The following FAM169A variants were observed in gnomAD, a reference collection of about 807,000 sequenced individuals.
FAM169A encodes family with sequence similarity 169 member A, also known as soluble lamin-associated protein of 75 kDa.
In FAM169A, 24 loss-of-function variants were observed where a neutral mutation model predicts 75.7. The ratio of observed to expected loss-of-function variants is 0.32; its 90% CI spans 0.23 to 0.45. The LOEUF (loss-of-function observed/expected upper bound fraction) is 0.45, where lower values mean the gene tolerates loss of function less well. Ranked by LOEUF, FAM169A falls within the 20% of genes least tolerant of loss-of-function variation. FAM169A has a pLI of 1.00. For missense variants in FAM169A, 673 were observed against 784.0 expected, an observed-to-expected ratio of 0.86 and a Z score of 1.69; for synonymous variants, 271 against 271.0, an observed-to-expected ratio of 1.00 and a Z score of 0.00.
intron 11 of FAM169A, among the ~76,000 whole-genome samples, chr5:74,784,096 C>G (rs1047555740): frequency 1.4e-4 from 21 of 151,866 alleles, no homozygotes; most frequent in Non-Finnish European, 2.6e-4. Context: ...TAAAAATGAC[C>G]AGAGTCGAGA....
intron 1 of FAM169A, among the ~76,000 whole-genome samples, chr5:74,843,482 G>A (rs1294343451): frequency 6.6e-6 from 1 of 152,142 alleles, no homozygotes; most frequent in Non-Finnish European, 1.5e-5. Flanking sequence ...ACAGGCATGT[G>A]AATCAACAAA....
At chr5:74,799,179 C>T (rs1746435178) in intron 10 of FAM169A, 1 of 1,161,032 alleles carries the variant, frequency 8.6e-7, no homozygotes, top group Non-Finnish European at 1.3e-6. Context: ...ACTGGGCTCC[C>T]AAGCATGACC....
chr5:74,858,711 G>A (rs1406721857), intron 1 of FAM169A, among the ~76,000 whole-genome samples: 1 of 151,938 alleles, frequency 6.6e-6, no homozygotes, highest in Non-Finnish European at 1.5e-5. Flanking sequence ...TAACAAATCT[G>A]CACATGTCCT....
intron 6 of FAM169A, among the ~76,000 whole-genome samples, chr5:74,806,980 A>C (rs1236235485): frequency 1.3e-5 from 2 of 152,216 alleles, no homozygotes; most frequent in Non-Finnish European, 2.9e-5. Context: ...AAGCACCAAG[A>C]AGAATAAGGG....
chr5:74,784,754 TA>T (rs1166253748), intron 11 of FAM169A, among the ~76,000 whole-genome samples: 2 of 147,384 alleles, frequency 1.4e-5, no homozygotes, highest in Non-Finnish European at 3.0e-5. Context: ...CCGTCTCTAC[TA>T]AAAAATACAA....
At chr5:74,848,454 A>G (rs1364788956) in intron 1 of FAM169A, among the ~76,000 whole-genome samples, 2 of 152,184 alleles carry the variant, frequency 1.3e-5, no homozygotes, top group Non-Finnish European at 2.9e-5. Flanking sequence ...TGCAAAATCA[A>G]ATATAGTATT....
intron 5 of FAM169A, among the ~76,000 whole-genome samples, chr5:74,833,289 A>G (rs1402973094): frequency 7.8e-6 from 1 of 127,702 alleles, no homozygotes; most frequent in African/African-American, 2.7e-5. Context: ...ATTTAAAAAC[A>G]ACAAAGTGAT....
At chr5:74,799,614 C>T (rs561139465) in intron 10 of FAM169A, 1 of 1,442,426 alleles carries the variant, frequency 6.9e-7, no homozygotes, top group South Asian at 1.1e-5. Context: ...GTGGCTGGGT[C>T]CACGGGGTCA....
intron 8 of FAM169A, among the ~76,000 whole-genome samples, chr5:74,802,262 T>C (rs1253555873): frequency 6.6e-6 from 1 of 152,116 alleles, no homozygotes; most frequent in East Asian, 1.9e-4. Flanking sequence ...CTTTAGTCTC[T>C]TGAACCAACT....
chr5:74,823,349 C>T (rs1472926728), intron 5 of FAM169A, among the ~76,000 whole-genome samples: 2 of 152,130 alleles, frequency 1.3e-5, no homozygotes, highest in Non-Finnish European at 2.9e-5. Context: ...CTTTCCCTTC[C>T]CCCTTCTCTT....
intron 6 of FAM169A, 86 bp from the exon 7 acceptor site, chr5:74,805,370 A>AAAAGTAAG: frequency 7.9e-7 from 1 of 1,268,302 alleles, no homozygotes; most frequent in Non-Finnish European, 1.1e-6. Flanking sequence ...TTCCCAACTC[A>AAAAGTAAG]CTTAACGGGG....
chr5:74,781,741 C>G lies in FAM169A; in HGVS notation c.1732G>C (p.Glu578Gln). 1.2e-6 allele frequency: 2 copies of G among 1,614,088 alleles called. No individual in the cohort carries two copies. Among genetic ancestry groups the G allele is most frequent in the South Asian group, 2.2e-5 (2 of 91,076 alleles). Residue 578 changes from glutamate to glutamine, a missense_variant, in exon 13 of 13, where the codon GAG (glutamate) becomes CAG (glutamine). Physicochemically the swap from Glu to Gln is conservative, Grantham distance 29. This residue lies in a region of FAM169A where 510 missense variants were observed against 550.9 expected (regional missense o/e 0.93). Coordinates refer to ENST00000687041, the MANE Select transcript of FAM169A (RefSeq NM_001376049.1). The stretch of plus-strand genomic sequence containing the variant: ...AGAGCAGTAGATGTTTCCTGGGGCT[C>G]AGATACCCCCTCCTCACCCTGGTCT... ...LEDQGEEGVS[E>Q]PQETSTALPQ...
At chr5:74,830,707 T>C (rs1207926179) in intron 5 of FAM169A, among the ~76,000 whole-genome samples, 1 of 152,108 alleles carries the variant, frequency 6.6e-6, no homozygotes, top group Non-Finnish European at 1.5e-5. Context: ...GAATACATAA[T>C]TTTTACAGTC....
At chr5:74,810,819 CTT>C (rs59139246) in intron 6 of FAM169A, among the ~76,000 whole-genome samples, 4,496 of 114,984 alleles carry the variant, frequency 0.039, 157 homozygotes, top group African/African-American at 0.15. Context: ...GATATTTGCC[CTT>C]TTTTTTTTTT....
upstream of FAM169A, chr5:74,866,459 C>T: frequency 1.2e-6 from 1 of 854,306 alleles, no homozygotes; most frequent in Non-Finnish European, 1.4e-6. Flanking sequence ...CGCCCGCCAG[C>T]GCGGAGCGGC....
intron 5 of FAM169A, among the ~76,000 whole-genome samples, chr5:74,821,411 C>G (rs1747759765): frequency 6.6e-6 from 1 of 152,212 alleles, no homozygotes; most frequent in African/African-American, 2.4e-5. Flanking sequence ...TTTGTCCACC[C>G]AGGAATATGC....
chr5:74,822,307 T>G (rs1008769414), intron 5 of FAM169A, among the ~76,000 whole-genome samples: 5 of 152,230 alleles, frequency 3.3e-5, no homozygotes, highest in Admixed American at 3.3e-4. Flanking sequence ...ATCATCTTTT[T>G]CATTATTTTG....
chr5:74,788,013 C>T (rs1043514809), intron 11 of FAM169A, among the ~76,000 whole-genome samples: 32 of 152,158 alleles, frequency 2.1e-4, no homozygotes, highest in Non-Finnish European at 4.1e-4. Context: ...GTGAGTCTTT[C>T]TCCCATCCTT....
intron 5 of FAM169A, among the ~76,000 whole-genome samples, chr5:74,819,794 C>T (rs1285854226): frequency 6.6e-6 from 1 of 151,922 alleles, no homozygotes; most frequent in Admixed American, 6.6e-5. Context: ...ACAAAAGACG[C>T]CAGACACAAA....
Sources: gnomAD v4.1 joint callset for allele counts (sites outside exome capture counted in the v4.1 genomes callset) on GRCh38, gnomAD v4.1.1 for gene constraint, gnomAD v4.1.1 regional missense constraint, MANE v1.5 for transcripts, NCBI Gene and HGNC (gene_info 2026-07-23, HGNC 2026-07-21) for gene names.